Variants in TSHZ2 observed in about 807,000 individuals in gnomAD.
TSHZ2 encodes the protein teashirt homolog 2.
A neutral mutation model predicts 74.4 loss-of-function variants in TSHZ2; 21 were observed. The observed-to-expected ratio is 0.28, with a 90% CI of 0.20 to 0.41. The LOEUF (loss-of-function observed/expected upper bound fraction) is 0.41, where lower values mean the gene tolerates loss of function less well. Ranked by LOEUF, TSHZ2 falls within the 10% of genes least tolerant of loss-of-function variation. The pLI is 1.00. For synonymous variants in TSHZ2, 540 were observed against 515.3 expected, an observed-to-expected ratio of 1.05 and a Z score of -0.65; for missense variants, 1,244 against 1,293.5, an observed-to-expected ratio of 0.96 and a Z score of 0.59.
At chr20:53,008,622 CAG>C in intron 1 of TSHZ2, among the ~76,000 whole-genome samples, 1 of 149,620 alleles carries the variant, frequency 6.7e-6, no homozygotes, top group South Asian at 2.1e-4. Flanking sequence ...ACGTCAAAAA[CAG>C]AGTTAAGCAG....
intron 2 of TSHZ2, among the ~76,000 whole-genome samples, chr20:53,365,359 G>A (rs1025601975): frequency 6.6e-6 from 1 of 152,156 alleles, no homozygotes; most frequent in Non-Finnish European, 1.5e-5. Context: ...GGTCGGGGGA[G>A]GCTCTAGCTT....
intron 1 of TSHZ2, among the ~76,000 whole-genome samples, chr20:53,225,989 TATATA>T (rs1271092209): frequency 1.3e-5 from 2 of 152,194 alleles, no homozygotes; most frequent in Admixed American, 6.5e-5. Flanking sequence ...GCTATAAAGT[TATATA>T]ATAAGGAATA....
chr20:53,106,993 T>C (rs893206496), intron 1 of TSHZ2, among the ~76,000 whole-genome samples: 1 of 152,122 alleles, frequency 6.6e-6, no homozygotes, highest in African/African-American at 2.4e-5. Flanking sequence ...CCACCGCGCC[T>C]GGCCCTTCTC....
At chr20:53,112,421 C>G (rs2073062283) in intron 1 of TSHZ2, among the ~76,000 whole-genome samples, 5 of 152,228 alleles carry the variant, frequency 3.3e-5, no homozygotes, top group Non-Finnish European at 7.3e-5. Context: ...GGACATATAT[C>G]TCTTCTGCCC....
intron 2 of TSHZ2, among the ~76,000 whole-genome samples, chr20:53,260,551 G>T (rs1311813166): frequency 1.3e-5 from 2 of 152,206 alleles, no homozygotes; most frequent in African/African-American, 4.8e-5. Flanking sequence ...GGCTCTGCCT[G>T]GTTCTGGGGG....
chr20:52,975,180 C>A (rs1260353372), intron 1 of TSHZ2, among the ~76,000 whole-genome samples: 1 of 152,132 alleles, frequency 6.6e-6, no homozygotes, highest in Non-Finnish European at 1.5e-5. Flanking sequence ...GAGATAACGT[C>A]CTTATTGTTG....
chr20:53,190,086 A>AATATATATATATATATATATAT (rs544193424), intron 1 of TSHZ2, among the ~76,000 whole-genome samples: 9 of 25,102 alleles, frequency 3.6e-4, no homozygotes, highest in African/African-American at 5.9e-4. Flanking sequence ...CCCTGTCTCA[A>AATATATATATATATATATATAT]ATATATATAT....
At chr20:53,024,629 A>G (rs1157869362) in intron 1 of TSHZ2, among the ~76,000 whole-genome samples, 4 of 151,862 alleles carry the variant, frequency 2.6e-5, no homozygotes, top group Admixed American at 2.6e-4. Flanking sequence ...TATTTCTCCT[A>G]ATGTTATCCC....
chr20:53,433,534 C>CT (rs1983917280), intron 2 of TSHZ2, among the ~76,000 whole-genome samples: 1 of 150,420 alleles, frequency 6.6e-6, no homozygotes, highest in Non-Finnish European at 1.5e-5. Flanking sequence ...AAGCAAGACT[C>CT]TGTCTATAAA....
chr20:53,351,209 ACT>A (rs1171021600), intron 2 of TSHZ2, among the ~76,000 whole-genome samples: 1 of 152,162 alleles, frequency 6.6e-6, no homozygotes, highest in African/African-American at 2.4e-5. Flanking sequence ...TCATTAATTC[ACT>A]GTTTTCCCTT....
At chr20:53,481,526 A>G (rs960530206) in intron 2 of TSHZ2, among the ~76,000 whole-genome samples, 1 of 151,732 alleles carries the variant, frequency 6.6e-6, no homozygotes, top group African/African-American at 2.4e-5. Flanking sequence ...GTGAACAAAG[A>G]TCATGCCACT....
chr20:53,001,232 G>GTGTGTGTGTGTGTA (rs1568713555), intron 1 of TSHZ2, among the ~76,000 whole-genome samples: 43 of 135,400 alleles, frequency 3.2e-4, no homozygotes, highest in African/African-American at 1.2e-3. Flanking sequence ...GTGTGTGTGT[G>GTGTGTGTGTGTGTA]TGTGTGTGTG....
chr20:53,070,125 C>T (rs933090321), intron 1 of TSHZ2, among the ~76,000 whole-genome samples: 3 of 152,200 alleles, frequency 2.0e-5, no homozygotes, highest in African/African-American at 7.2e-5. Context: ...CTTAGAACAA[C>T]ATTACAGGGT....
intron 1 of TSHZ2, among the ~76,000 whole-genome samples, chr20:53,114,865 G>A (rs937728219): frequency 6.6e-6 from 1 of 152,162 alleles, no homozygotes; most frequent in Non-Finnish European, 1.5e-5. Flanking sequence ...CAATGCATAT[G>A]TGCACTAAAT....
At chr20:53,014,195 CAGAGAGAGAG>C (rs10539599) in intron 1 of TSHZ2, among the ~76,000 whole-genome samples, 24 of 150,042 alleles carry the variant, frequency 1.6e-4, no homozygotes, top group South Asian at 2.1e-4. Context: ...CTTCATACGG[CAGAGAGAGAG>C]AGAGAGAGAG....
At chr20:53,033,559 G>C (rs1366105199) in intron 1 of TSHZ2, among the ~76,000 whole-genome samples, 1 of 151,188 alleles carries the variant, frequency 6.6e-6, no homozygotes, top group African/African-American at 2.4e-5. Flanking sequence ...CAAGGGCCTA[G>C]GTCAGTGGCT....
chr20:53,389,744 G>A (rs1302472923), intron 2 of TSHZ2, among the ~76,000 whole-genome samples: 2 of 152,352 alleles, frequency 1.3e-5, no homozygotes, highest in South Asian at 2.1e-4. Flanking sequence ...ATTTGGCAAT[G>A]TCTAGAGACA....
In TSHZ2 at chr20:53,255,593, C is replaced by A. The variant is rs745688509; in HGVS notation, c.2135C>A (p.Pro712His). ...AATCACTTGGGCAAAGCCACGGAGC[C>A]CTTGCGCTCACCTTCCTGCTCCAGC... ...LNNHLGKATE[P>H]LRSPSCSSPS... The change falls in exon 2 of 3, where the codon CCC (proline) becomes CAC (histidine). Residue 712 changes from proline (P) to histidine (H), a missense_variant. Physicochemically the swap from Pro to His is moderately conservative, Grantham distance 77. Transcript: ENST00000371497. This position sits in a 1 kb window ranked among gnomAD's most constrained non-coding sequence, Gnocchi z 4.1. 1.9e-6 allele frequency: 3 copies of A among 1,583,808 alleles called. No individual in the cohort carries two copies. Among genetic ancestry groups the A allele is most frequent in the Admixed American group, 3.5e-5 (2 of 56,406 alleles).
chr20:53,138,863 C>T (rs1036237444), intron 1 of TSHZ2, among the ~76,000 whole-genome samples: 3 of 152,158 alleles, frequency 2.0e-5, no homozygotes, highest in South Asian at 2.1e-4. Context: ...TATTGACCAG[C>T]GGTGGGCATG....
Sources: gnomAD v4.1 joint callset for allele counts (sites outside exome capture counted in the v4.1 genomes callset) on GRCh38, gnomAD v4.1.1 for gene constraint, Gnocchi (gnomAD v3.1) non-coding constraint, MANE v1.5 for transcripts, NCBI Gene and HGNC (gene_info 2026-07-23, HGNC 2026-07-21) for gene names.